NREP: variants seen among roughly 807,000 people sequenced by gnomAD.
NREP encodes the protein neuronal regeneration related protein, also known as neuronal regeneration-related protein.
A neutral mutation model predicts 8.6 loss-of-function variants in NREP; 5 were observed. That is an observed-to-expected ratio of 0.58 (90% CI 0.30 to 1.22). NREP has a LOEUF of 1.22. NREP is among the 50% of genes most tolerant of loss of function. NREP has a pLI of 0.07. For synonymous variants in NREP, 27 were observed against 28.0 expected (o/e 0.96, Z 0.11); for missense variants, 86 against 82.5 (o/e 1.04, Z -0.17).
intron 2 of NREP, among the ~76,000 whole-genome samples, chr5:111,966,456 G>A (rs1002068229): frequency 3.3e-5 from 5 of 152,124 alleles, no homozygotes; most frequent in African/African-American, 1.2e-4. Flanking sequence ...GTAGAATTGA[G>A]AAGAGAAACT....
At chr5:111,880,539 T>C (rs1235051791) in intron 2 of NREP, among the ~76,000 whole-genome samples, 1 of 152,142 alleles carries the variant, frequency 6.6e-6, no homozygotes, top group Non-Finnish European at 1.5e-5. Context: ...TCATTCCTTG[T>C]GTATCCAAAT....
intron 2 of NREP, among the ~76,000 whole-genome samples, chr5:111,762,888 A>G (rs901780729): frequency 2.0e-5 from 3 of 152,218 alleles, no homozygotes; most frequent in African/African-American, 7.2e-5. Context: ...ATATTCTACA[A>G]TGCAAAGTCT....
intron 2 of NREP, among the ~76,000 whole-genome samples, chr5:111,752,074 C>A (rs1011821112): frequency 6.6e-6 from 1 of 152,144 alleles, no homozygotes; most frequent in African/African-American, 2.4e-5. Context: ...GCAGAGTATT[C>A]ATATTTTAGA....
At chr5:111,825,784 C>G (rs2112928994) in intron 2 of NREP, among the ~76,000 whole-genome samples, 1 of 152,254 alleles carries the variant, frequency 6.6e-6, no homozygotes. Flanking sequence ...GAACCAGCTT[C>G]TAACTCCATG....
upstream of NREP, among the ~76,000 whole-genome samples, chr5:111,758,682 G>T (rs562152812): frequency 2.0e-5 from 3 of 152,226 alleles, no homozygotes; most frequent in African/African-American, 7.2e-5. Context: ...TTGTAACAAA[G>T]AAAATAAGGC....
At chr5:111,963,887 C>A (rs1444738755) in intron 2 of NREP, among the ~76,000 whole-genome samples, 1 of 152,202 alleles carries the variant, frequency 6.6e-6, no homozygotes, top group Non-Finnish European at 1.5e-5. Flanking sequence ...CCACTCAACA[C>A]TGCCTGTGTT....
intron 2 of NREP, among the ~76,000 whole-genome samples, chr5:111,804,139 G>C (rs1752081446): frequency 6.6e-6 from 1 of 152,100 alleles, no homozygotes; most frequent in Admixed American, 6.5e-5. Context: ...CATTAGAAAT[G>C]TAAAAAAGCC....
chr5:111,870,471 T>G (rs1753764534), intron 2 of NREP, among the ~76,000 whole-genome samples: 1 of 152,162 alleles, frequency 6.6e-6, no homozygotes, highest in Non-Finnish European at 1.5e-5. Flanking sequence ...TGAATTTTCT[T>G]GCGTGAAACT....
At chr5:111,936,102 T>C (rs1755674372) in intron 2 of NREP, among the ~76,000 whole-genome samples, 3 of 152,120 alleles carry the variant, frequency 2.0e-5, no homozygotes, top group African/African-American at 7.2e-5. Flanking sequence ...TGTTTCTGTG[T>C]GGTTTTTTCC....
chr5:111,943,979 TG>T (rs1276955721), intron 2 of NREP, among the ~76,000 whole-genome samples: 1 of 152,088 alleles, frequency 6.6e-6, no homozygotes, highest in African/African-American at 2.4e-5. Flanking sequence ...AGCTTAGAAA[TG>T]TTTCTTCTAT....
At position 111,879,009 on chromosome 5, in the gene NREP, C is replaced by A. The variant is rs549193354; in HGVS notation, c.135+96265G>T. ...AAATGTGACCACCAATGTTAGAAGT[C>A]TGGCTTAATGGAAGATGTTTGGATC... On this transcript the variant is annotated intron_variant, in intron 2 of 3. Transcript: ENST00000395634. Among the ~76,000 whole-genome samples, 9 of 152,310 alleles carry A rather than the reference C, an allele frequency of 5.9e-5. No individual in the cohort carries two copies. The South Asian group carries it at 1.2e-3, about 21-fold the overall frequency.
chr5:111,813,856 A>G (rs1428941159), intron 2 of NREP, among the ~76,000 whole-genome samples: 1 of 152,024 alleles, frequency 6.6e-6, no homozygotes, highest in East Asian at 1.9e-4. Context: ...GGAAAGTGCT[A>G]TTTCTTAATT....
At chr5:111,798,948 G>A (rs1751938185) in intron 2 of NREP, among the ~76,000 whole-genome samples, 1 of 152,050 alleles carries the variant, frequency 6.6e-6, no homozygotes, top group South Asian at 2.1e-4. Context: ...CCTAGCAGTG[G>A]GATTGCTAGA....
intron 2 of NREP, among the ~76,000 whole-genome samples, chr5:111,784,254 G>A (rs541306231): frequency 1.3e-5 from 2 of 152,274 alleles, no homozygotes; most frequent in East Asian, 3.9e-4. Context: ...TAGGTGGTAT[G>A]TTTAGTTTTG....
intron 2 of NREP, among the ~76,000 whole-genome samples, chr5:111,825,341 G>A (rs1752598018): frequency 6.6e-6 from 1 of 152,134 alleles, no homozygotes; most frequent in African/African-American, 2.4e-5. Context: ...ACTAAGTATT[G>A]GGGTGGGAGA....
intron 2 of NREP, among the ~76,000 whole-genome samples, chr5:111,919,869 G>GAGAAAGAAAGAAAGAA (rs60026643): frequency 0.05 from 6,250 of 124,982 alleles, 231 homozygotes; most frequent in African/African-American, 0.076. Flanking sequence ...CTTGAAGAGA[G>GAGAAAGAAAGAAAGAA]AGAAAGAAAG....
At chr5:111,808,045 A>G (rs1752180274) in intron 2 of NREP, among the ~76,000 whole-genome samples, 1 of 152,240 alleles carries the variant, frequency 6.6e-6, no homozygotes, top group Non-Finnish European at 1.5e-5. Context: ...ACAATCTCTC[A>G]ATAGTTCTGT....
rs899962570 is a variant in NREP at position 111,975,346 on chromosome 5, C to A, written c.63G>T (p.Arg21Ser). The change falls in exon 2 of 4, where the codon AGG (arginine) becomes AGT (serine). Residue 21 changes from arginine to serine, a missense_variant. Arg to Ser is a moderately radical substitution (Grantham distance 110). Coordinates refer to the NREP transcript ENST00000395634. ...AAGGGACTCTGTCTGTCATCCTGCT[C>A]CTCTGGGTTCGTGTTTCATCTTCTC... The A allele has an allele frequency of 1.3e-6, 2 of 1,551,680 alleles. No homozygotes were observed. The highest frequency in any genetic ancestry group is 1.7e-6 in the Non-Finnish European group (2 of 1,146,950).
intron 2 of NREP, among the ~76,000 whole-genome samples, chr5:111,835,170 A>T (rs1752863613): frequency 6.6e-6 from 1 of 152,186 alleles, no homozygotes; most frequent in African/African-American, 2.4e-5. Context: ...TGCCAAGGTC[A>T]TGCTGCCCTT....
Sources: gnomAD v4.1 joint callset for allele counts (sites outside exome capture counted in the v4.1 genomes callset) on GRCh38, gnomAD v4.1.1 for gene constraint, MANE v1.5 for transcripts, NCBI Gene and HGNC (gene_info 2026-07-23, HGNC 2026-07-21) for gene names.